The following KLF15 variants were observed in gnomAD, a reference collection of about 807,000 sequenced individuals.
KLF15 encodes KLF transcription factor 15.
Under a neutral mutation model 24.6 loss-of-function variants are expected in KLF15, and 4 were observed. The observed-to-expected ratio is 0.16, with a 90% CI of 0.08 to 0.37. The LOEUF is 0.37. Among genes scored for constraint, KLF15 ranks in the 10% least tolerant of loss-of-function variants. The pLI is 1.00. For synonymous variants in KLF15, 246 were observed against 236.3 expected (o/e 1.04, Z -0.37); for missense variants, 496 against 560.6 (o/e 0.88, Z 1.16).
At chr3:126,299,892 T>C in the KLF15 span, among the ~76,000 whole-genome samples, 1 of 151,898 alleles carries the variant, frequency 6.6e-6, no homozygotes, top group Non-Finnish European at 1.5e-5. Context: ...GACACCCTGA[T>C]CTCAGACTTC....
rs1266077774 is a variant in KLF15 at position 126,343,807 on chromosome 3, C to T, written c.1171G>A (p.Ala391Thr). ...YQCPVCEKKF[A>T]RSDHLSKHIK... is the part of the protein sequence containing the mutation. The stretch of plus-strand genomic sequence containing the variant: ...TGCTTGGAGAGGTGGTCGCTCCGCG[C>T]GAACTTCTTCTCGCACACAGGACAC... The change falls in exon 3 of 3, where the codon GCG becomes ACG. Residue 391 changes from alanine to threonine, a missense_variant. Physicochemically the swap from Ala to Thr is moderately conservative, Grantham distance 58 (BLOSUM62 0). This residue lies in a region of KLF15 where 59 missense variants were observed against 106.1 expected (regional missense o/e 0.56). Coordinates refer to ENST00000296233, the MANE Select transcript of KLF15 (RefSeq NM_014079.4). The T allele has an allele frequency of 3.7e-6, 6 of 1,611,708 alleles. No homozygotes were observed. Among genetic ancestry groups the T allele is most frequent in the Non-Finnish European group, 5.1e-6 (6 of 1,179,894 alleles).
At chr3:126,341,728 C>T (rs1043650416), downstream of KLF15, among the ~76,000 whole-genome samples, 4 of 152,182 alleles carry the variant, frequency 2.6e-5, no homozygotes, top group Non-Finnish European at 4.4e-5. Flanking sequence ...TGCTGGGAGC[C>T]CATGGGTGCC....
At chr3:126,339,512 A>T (rs1161660829), downstream of KLF15, among the ~76,000 whole-genome samples, 1 of 152,046 alleles carries the variant, frequency 6.6e-6, no homozygotes, top group African/African-American at 2.4e-5. Context: ...TCTTTGCCTC[A>T]TTCTGCATCT....
the KLF15 span, among the ~76,000 whole-genome samples, chr3:126,321,769 T>G: frequency 6.6e-6 from 1 of 152,196 alleles, no homozygotes; most frequent in Non-Finnish European, 1.5e-5. Flanking sequence ...GCTGGATGTC[T>G]GGGTGGGCAA....
the KLF15 span, among the ~76,000 whole-genome samples, chr3:126,337,582 A>C: frequency 6.6e-6 from 1 of 151,770 alleles, no homozygotes; most frequent in Non-Finnish European, 1.5e-5. Context: ...ATAATTAAAA[A>C]AAAAGTCTAG....
chr3:126,315,438 C>G, the KLF15 span, among the ~76,000 whole-genome samples: 1 of 152,194 alleles, frequency 6.6e-6, no homozygotes, highest in Non-Finnish European at 1.5e-5. Context: ...GTCCACCCCA[C>G]TGTGCCCCAG....
chr3:126,304,141 G>T, the KLF15 span, among the ~76,000 whole-genome samples: 5,302 of 152,202 alleles, frequency 0.035, 155 homozygotes, highest in African/African-American at 0.071. Flanking sequence ...ACCAGACATT[G>T]TGAATTTTAC....
the KLF15 span, among the ~76,000 whole-genome samples, chr3:126,292,984 A>G: frequency 1.1e-4 from 17 of 152,004 alleles, no homozygotes; most frequent in Admixed American, 8.5e-4. Flanking sequence ...AGGCAGAGCA[A>G]ACAGGAGAGC....
chr3:126,337,868 T>G (rs1223924386), downstream of KLF15, among the ~76,000 whole-genome samples: 1 of 152,082 alleles, frequency 6.6e-6, no homozygotes, highest in Non-Finnish European at 1.5e-5. Flanking sequence ...GATGGGGAAT[T>G]TGAAGTTCCA....
At position 126,348,181 on chromosome 3, in the gene KLF15, C is replaced by T. The variant is rs1251283861; in HGVS notation, c.1082+3660G>A. ...AACTCCTGGCTCTGGGGCTTACTGG[C>T]TGGCTGACTGGAGAATTTACCTAAC... On this transcript the variant is annotated intron_variant, in intron 2 of 2. Coordinates refer to ENST00000296233, the MANE Select transcript of KLF15 (RefSeq NM_014079.4). 2.0e-5 allele frequency among the ~76,000 whole-genome samples: 3 copies of T among 152,346 alleles called. No homozygotes were observed. The South Asian group carries it at 6.2e-4, about 32-fold the overall frequency.
At chr3:126,315,267 G>A in the KLF15 span, among the ~76,000 whole-genome samples, 1 of 151,984 alleles carries the variant, frequency 6.6e-6, no homozygotes, top group African/African-American at 2.4e-5. Context: ...AACAACTCTA[G>A]CTCCGAACAA....
At chr3:126,292,700 G>T in the KLF15 span, among the ~76,000 whole-genome samples, 49 of 152,050 alleles carry the variant, frequency 3.2e-4, no homozygotes, top group Non-Finnish European at 1.0e-4. Flanking sequence ...GTGTCCATGG[G>T]GTTGAGTCTG....
chr3:126,312,846 G>A, the KLF15 span, among the ~76,000 whole-genome samples: 2 of 152,222 alleles, frequency 1.3e-5, no homozygotes, highest in East Asian at 1.9e-4. Flanking sequence ...CTGGGCCCTC[G>A]CCTAGCTTCT....
the KLF15 span, among the ~76,000 whole-genome samples, chr3:126,288,700 GAC>G: frequency 1.3e-5 from 2 of 152,246 alleles, no homozygotes; most frequent in African/African-American, 2.4e-5. Context: ...CATTGTCCTG[GAC>G]ACACAGTCAG....
At chr3:126,323,205 A>G in the KLF15 span, among the ~76,000 whole-genome samples, 3 of 150,194 alleles carry the variant, frequency 2.0e-5, no homozygotes, top group Admixed American at 6.7e-5. Flanking sequence ...ATTTCACACA[A>G]TTGGCTTTTT....
the KLF15 span, among the ~76,000 whole-genome samples, chr3:126,318,550 G>C: frequency 3.9e-5 from 6 of 152,166 alleles, no homozygotes; most frequent in Admixed American, 3.9e-4. Context: ...GGGATAAAAC[G>C]TCAGTGTTGG....
the KLF15 span, among the ~76,000 whole-genome samples, chr3:126,322,123 G>A: frequency 6.6e-6 from 1 of 152,036 alleles, no homozygotes; most frequent in South Asian, 2.1e-4. Flanking sequence ...GAGGCTTCAG[G>A]GACTTGGTGT....
the KLF15 span, among the ~76,000 whole-genome samples, chr3:126,306,035 A>G: frequency 6.6e-6 from 1 of 152,152 alleles, no homozygotes; most frequent in African/African-American, 2.4e-5. Context: ...TTGGAGGCTA[A>G]CCCCTGAGGC....
chr3:126,352,747 G>A lies in KLF15; in HGVS notation c.176C>T (p.Ala59Val). 2.5e-6 allele frequency: 4 copies of A among 1,572,746 alleles called. No individual in the cohort carries two copies. The highest frequency in any genetic ancestry group is 3.5e-6 in the Non-Finnish European group (4 of 1,158,752). Reference sequence around the variant, plus strand: ...GCCTCCACCATAGCAGGAGCAGAGGGCTTGAGAGTCGGGACTGGAACAGGA... The same window carrying A: ...GCCTCCACCATAGCAGGAGCAGAGGACTTGAGAGTCGGGACTGGAACAGGA... ...PCSCSSPDSQ[A>V]LCSCYGGGLG... Residue 59 changes from alanine (A) to valine (V), a missense_variant, in exon 2 of 3, where the codon GCC becomes GTC. Ala to Val is a moderately conservative substitution (Grantham distance 64, BLOSUM62 0). Coordinates refer to ENST00000296233, the MANE Select transcript of KLF15 (RefSeq NM_014079.4).
Sources: allele counts gnomAD v4.1 joint callset (sites outside exome capture counted in the v4.1 genomes callset), GRCh38; gene constraint gnomAD v4.1.1; regional missense constraint gnomAD v4.1.1; transcripts MANE v1.5; gene names NCBI Gene and HGNC (gene_info 2026-07-23, HGNC 2026-07-21).